GTF3C3: variants seen among roughly 807,000 people sequenced by gnomAD.
GTF3C3 encodes the protein general transcription factor IIIC subunit 3.
Under a neutral mutation model 105.2 loss-of-function variants are expected in GTF3C3, and 75 were observed. The ratio of observed to expected loss-of-function variants is 0.71; its 90% CI spans 0.59 to 0.86. The LOEUF (loss-of-function observed/expected upper bound fraction) is 0.86, where lower values mean the gene tolerates loss of function less well. GTF3C3 is among the 40% of genes least tolerant of loss of function. The pLI, the probability that GTF3C3 is intolerant of heterozygous loss-of-function variation, is 0.00. For missense variants in GTF3C3, 856 were observed against 1,076.5 expected, an observed-to-expected ratio of 0.80 and a Z score of 2.87; for synonymous variants, 335 against 370.4, an observed-to-expected ratio of 0.90 and a Z score of 1.10.
intron 10 of GTF3C3, chr2:196,777,832 T>C (rs1699284082): frequency 6.6e-6 from 1 of 152,168 alleles, no homozygotes; most frequent in African/African-American, 2.4e-5. Context: ...CATGATTAAA[T>C]AGGATTTTTA....
intron 2 of GTF3C3, 89 bp from the exon 3 acceptor site, chr2:196,793,241 C>G (rs1699584373): frequency 1.2e-6 from 1 of 868,622 alleles, no homozygotes; most frequent in African/African-American, 1.7e-5. Flanking sequence ...AAATTTTTAC[C>G]CCAGTAACAC....
chr2:196,772,288 T>G (rs1014740700), intron 14 of GTF3C3, among the ~76,000 whole-genome samples: 1 of 152,248 alleles, frequency 6.6e-6, no homozygotes, highest in Non-Finnish European at 1.5e-5. Context: ...CCGGGCACCG[T>G]GGCTCACGCC....
chr2:196,765,748 C>A (rs182792589), intron 17 of GTF3C3, among the ~76,000 whole-genome samples: 1 of 151,768 alleles, frequency 6.6e-6, no homozygotes, highest in Non-Finnish European at 1.5e-5. Context: ...CAGTGGCTCA[C>A]GCCTGTAATC....
chr2:196,797,820 G>C lies in GTF3C3; in HGVS notation c.191C>G (p.Ser64Cys). 6.3e-7 allele frequency: 1 copy of C among 1,597,676 alleles called. No individual in the cohort carries two copies. The highest frequency in any genetic ancestry group is 8.6e-7 in the Non-Finnish European group (1 of 1,165,122). The change falls in exon 2 of 18, where the codon TCC becomes TGC. Residue 64 changes from serine to cysteine, a missense_variant. Coordinates refer to ENST00000263956, the MANE Select transcript of GTF3C3 (RefSeq NM_012086.5). ...ACCTTCATTGACATCTTTGTCTTGG[G>C]ATTTGGTAGAGTTAATTCCTGATGA... is the stretch of plus-strand genomic sequence containing the variant. ...PSSSGINSTK[S>C]QDKDVNEGET...
chr2:196,766,659 T>G lies in GTF3C3; in HGVS notation c.2444A>C (p.Tyr815Ser). The change falls in exon 17 of 18, where the codon TAC becomes TCC. Residue 815 changes from tyrosine to serine, a missense_variant. By Grantham distance (144) the Tyr-to-Ser change is moderately radical. Coordinates refer to ENST00000263956, the MANE Select transcript of GTF3C3 (RefSeq NM_012086.5). ...SLRGPCQESF[Y>S]NLGRGLHQLG... ...CTGATGAAGGCCACGGCCCAAATTG[T>G]AGAATGATTCCTGGCAGGGCCCACG... The G allele has an allele frequency of 6.2e-7, 1 of 1,613,656 alleles. No individual in the cohort carries two copies. The highest frequency in any genetic ancestry group is 1.1e-5 in the South Asian group (1 of 91,042).
At position 196,784,879 on chromosome 2, in the gene GTF3C3, T is replaced by G. The variant is rs747041862; in HGVS notation, c.1092A>C (p.Glu364Asp). 13 of 1,611,602 alleles carry G rather than the reference T, an allele frequency of 8.1e-6. No homozygotes were observed. The South Asian group carries it at 1.1e-4, about 14-fold the overall frequency. The part of the protein sequence containing the change: ...GIVLEKKTSE[E>D]GTSEENKAPE... ...AACCTTTATTCTCTTCTGAGGTGCC[T>G]TCTTCTGAAGTTTTTTTTTCCAGCA... The change falls in exon 8 of 18, where the codon GAA becomes GAC. Residue 364 changes from glutamate to aspartate, a missense_variant. By Grantham distance (45) the Glu-to-Asp change is conservative (BLOSUM62 2). This residue lies in a region of GTF3C3 where 605 missense variants were observed against 833.6 expected (regional missense o/e 0.73). Coordinates refer to ENST00000263956, the MANE Select transcript of GTF3C3 (RefSeq NM_012086.5).
At chr2:196,780,384 A>G (rs1223066339) in intron 9 of GTF3C3, 175 bp downstream of exon 9, 2 of 1,261,074 alleles carry the variant, frequency 1.6e-6, no homozygotes, top group Non-Finnish European at 2.0e-6. Context: ...GCCCAATTGC[A>G]AAACAATTTT....
chr2:196,788,884 G>GTT, intron 6 of GTF3C3, among the ~76,000 whole-genome samples: 1 of 152,154 alleles, frequency 6.6e-6, no homozygotes, highest in Admixed American at 6.5e-5. Flanking sequence ...GAACAACACA[G>GTT]CAAGACCCTG....
chr2:196,767,612 G>A (rs1042670807), intron 16 of GTF3C3, among the ~76,000 whole-genome samples: 3 of 152,006 alleles, frequency 2.0e-5, no homozygotes, highest in African/African-American at 7.2e-5. Context: ...AGTAATACTC[G>A]TGTTCAGTAT....
chr2:196,766,960 T>C (rs768497052), intron 16 of GTF3C3: 1 of 302,758 alleles, frequency 3.3e-6, no homozygotes, highest in Non-Finnish European at 6.0e-6. Flanking sequence ...ATGTTACAAG[T>C]AGTTACCAGA....
At position 196,778,108 on chromosome 2, in the gene GTF3C3, T is replaced by C. The variant is rs1300869679; in HGVS notation, c.1390+788A>G. The C allele has an allele frequency of 2.0e-5, 3 of 152,242 alleles. No individual in the cohort carries two copies. The East Asian group carries it at 5.8e-4, about 29-fold the overall frequency. The allele number at this position is 152,242 out of a possible 1,614,324, so 9.4% of individuals were successfully genotyped here. The stretch of plus-strand genomic sequence containing the variant: ...AAAATGCCAATCAATGCTTCTCTAA[T>C]TATAGAGTTCTGTCATCATATAATA... On this transcript the variant is annotated intron_variant, in intron 10 of 17. Coordinates refer to ENST00000263956, the MANE Select transcript of GTF3C3 (RefSeq NM_012086.5).
At chr2:196,781,636 T>TTGGG (rs1295691309) in intron 8 of GTF3C3, among the ~76,000 whole-genome samples, 1 of 151,836 alleles carries the variant, frequency 6.6e-6, no homozygotes, top group African/African-American at 2.4e-5. Flanking sequence ...CAATCTCTCA[T>TTGGG]GAACACTGAG....
intron 16 of GTF3C3, chr2:196,766,919 A>T: frequency 2.7e-6 from 1 of 368,462 alleles, no homozygotes. Flanking sequence ...TTTTTTAGCT[A>T]GGGATAAATA....
rs1008765674 is a variant in GTF3C3, at chr2:196,789,346, C to T, written c.751G>A (p.Val251Ile). 2 of 1,601,996 alleles carry T rather than the reference C, an allele frequency of 1.2e-6. No individual in the cohort carries two copies. The highest frequency in any genetic ancestry group is 2.7e-5 in the African/African-American group (2 of 74,224). Reference protein sequence around the residue: ...TKALKYEPTNVRYLWERSSLY... With the variant: ...TKALKYEPTNIRYLWERSSLY... ...CTTGATCGCTCCCACAGATAACGGA[C>T]ATTAGTAGGTTCATATTTAAGAGCT... The change falls in exon 6 of 18, where the codon GTC (valine) becomes ATC (isoleucine). Residue 251 changes from valine to isoleucine, a missense_variant. Physicochemically the swap from Val to Ile is conservative, Grantham distance 29. Around this residue, in one of 3 missense-constraint regions of GTF3C3, gnomAD observed 605 missense variants for 833.6 expected, o/e 0.73. Coordinates refer to ENST00000263956, the MANE Select transcript of GTF3C3 (RefSeq NM_012086.5).
chr2:196,767,267 C>T (rs1007145547), intron 16 of GTF3C3, among the ~76,000 whole-genome samples: 1 of 152,158 alleles, frequency 6.6e-6, no homozygotes, highest in Non-Finnish European at 1.5e-5. Context: ...TATGGAGAAA[C>T]TATTTCAGAG....
At chr2:196,783,873 G>A (rs987325024) in intron 8 of GTF3C3, among the ~76,000 whole-genome samples, 1 of 152,064 alleles carries the variant, frequency 6.6e-6, no homozygotes, top group Non-Finnish European at 1.5e-5. Flanking sequence ...CATCTGCGTA[G>A]TCTCCACACA....
chr2:196,766,647 C>G lies in GTF3C3; in HGVS notation c.2456G>C (p.Arg819Pro). The change falls in exon 17 of 18, where the codon CGT (arginine) becomes CCT (proline). Residue 819 changes from arginine to proline, a missense_variant. This residue lies in a region of GTF3C3 where 134 missense variants were observed against 128.9 expected (regional missense o/e 1.04). Transcript: ENST00000263956. Reference sequence around the variant, plus strand: ...AATCAGCCCCAACTGATGAAGGCCACGGCCCAAATTGTAGAATGATTCCTG... The same window carrying G: ...AATCAGCCCCAACTGATGAAGGCCAGGGCCCAAATTGTAGAATGATTCCTG... The part of the protein sequence containing the change: ...PCQESFYNLG[R>P]GLHQLGLIHL... 1 of 1,612,972 alleles carries G rather than the reference C, an allele frequency of 6.2e-7. No homozygotes were observed. The highest frequency in any genetic ancestry group is 8.5e-7 in the Non-Finnish European group (1 of 1,179,132).
chr2:196,790,114 G>C (rs866438250), intron 4 of GTF3C3, 44 bp from the exon 5 acceptor site: 3 of 1,318,794 alleles, frequency 2.3e-6, no homozygotes, highest in Middle Eastern at 1.9e-4. Context: ...TGAGAGAAGA[G>C]GCTTGAGTTG....
intron 1 of GTF3C3, among the ~76,000 whole-genome samples, chr2:196,798,400 C>T (rs564094109): frequency 1.3e-5 from 2 of 151,984 alleles, no homozygotes; most frequent in East Asian, 3.9e-4. Flanking sequence ...TGGCTCACAC[C>T]TGTGGTCTCA....
Sources: allele counts gnomAD v4.1 joint callset (sites outside exome capture counted in the v4.1 genomes callset), GRCh38; gene constraint gnomAD v4.1.1; regional missense constraint gnomAD v4.1.1; transcripts MANE v1.5; gene names NCBI Gene and HGNC (gene_info 2026-07-23, HGNC 2026-07-21).